ZNF740: variants seen among roughly 807,000 people sequenced by gnomAD.
ZNF740 encodes the protein zinc finger protein 740.
A neutral mutation model predicts 24.8 loss-of-function variants in ZNF740; 14 were observed. The observed-to-expected ratio is 0.56, with a 90% CI of 0.37 to 0.88. The LOEUF (loss-of-function observed/expected upper bound fraction) is 0.88, where lower values mean the gene tolerates loss of function less well. ZNF740 is among the 40% of genes least tolerant of loss of function. ZNF740 has a pLI of 0.00. For missense variants in ZNF740, 201 were observed against 247.9 expected (o/e 0.81, Z 1.27); for synonymous variants, 69 against 84.0 (o/e 0.82, Z 0.98).
Position 53,193,982 on chromosome 12 carries a change from A to G in ZNF740, c.*6392A>G. On this transcript the variant is annotated 3_prime_UTR_variant, in exon 7 of 7. Transcript: ENST00000416904. ...AAACTCACCAATCATCCAGAACCTC[A>G]CCCCTTAGTAAATGAAGGGATGGGG... 7.1e-7 allele frequency: 1 copy of G among 1,399,032 alleles called. No individual in the cohort carries two copies. Among genetic ancestry groups the G allele is most frequent in the East Asian group, 2.3e-5 (1 of 42,896 alleles). The allele number at this position is 1,399,032 out of a possible 1,614,324, so 86.7% of individuals were successfully genotyped here. A position where few individuals can be genotyped will look rare whatever the true frequency, so the allele number is the denominator to read the frequency against.
chr12:53,192,716 A>C lies in ZNF740; in HGVS notation c.*5126A>C, dbSNP rs1246254433. 2 of 1,614,162 alleles carry C rather than the reference A, an allele frequency of 1.2e-6. No individual in the cohort carries two copies. The highest frequency in any genetic ancestry group is 1.3e-5 in the African/African-American group (1 of 75,074). On this transcript the variant is annotated 3_prime_UTR_variant, in exon 7 of 7. Transcript: ENST00000416904. ...CGGTGTCTCTCGCATGGTGTCTTGC[A>C]GCCTGGGCATTGGTCGCATAGAGCA...
In ZNF740 at chr12:53,185,414, C is replaced by T. The variant is rs561124674; in HGVS notation, c.187C>T (p.Arg63Trp). 29 of 1,613,908 alleles carry T rather than the reference C, an allele frequency of 1.8e-5. No homozygotes were observed. The East Asian group carries it at 3.3e-4, about 19-fold the overall frequency. ...QGHRKDSDKS[R>W]SRKDDDSLSE... ...TCACCGAAAAGACAGTGATAAGTCC[C>T]GGAGCCGCAAAGATGATGACAGCTT... The change falls in exon 4 of 7, where the codon CGG (arginine) becomes TGG (tryptophan). Residue 63 changes from arginine to tryptophan, a missense_variant. Physicochemically the swap from Arg to Trp is moderately radical, Grantham distance 101. Transcript: ENST00000416904.
rs1335496280 is a variant in ZNF740, at chr12:53,184,915, C to T, written c.34C>T (p.Leu12=). The part of the protein sequence containing the change: ...AQASLLACEG[L]AGVSLVPTAA... ...GGCAAGTCTCCTGGCTTGTGAAGGC[C>T]TAGCAGGTGTGAGTTTGGTTCCCAC... Residue 12 remains leucine, a synonymous_variant, in exon 3 of 7, where the codon CTA becomes TTA. Transcript: ENST00000416904. The T allele has an allele frequency of 1.2e-6, 2 of 1,613,672 alleles. No individual in the cohort carries two copies. The highest frequency in any genetic ancestry group is 1.3e-5 in the African/African-American group (1 of 75,046).
chr12:53,184,156 C>T (rs1044052126), intron 2 of ZNF740, among the ~76,000 whole-genome samples: 1,078 of 106,040 alleles, frequency 0.01, 23 homozygotes, highest in African/African-American at 0.051. Flanking sequence ...TGTGTGCGCG[C>T]GCGCGCTCTG....
chr12:53,184,148 T>TGCGCGCGCGCGC (rs1191495650), intron 2 of ZNF740, among the ~76,000 whole-genome samples: 1 of 100,296 alleles, frequency 1.0e-5, no homozygotes, highest in African/African-American at 3.9e-5. Context: ...TGTGTGTGTG[T>TGCGCGCGCGCGC]GTGCGCGCGC....
chr12:53,184,808 A>T (rs956558155), intron 2 of ZNF740, 83 bp from the exon 3 acceptor site: 5 of 1,489,348 alleles, frequency 3.4e-6, no homozygotes, highest in Non-Finnish European at 4.6e-6. Context: ...AGCAGGGTGT[A>T]AAAGGTAGTT....
Position 53,191,488 on chromosome 12 carries a change from T to A in ZNF740, c.*3898T>A. On this transcript the variant is annotated 3_prime_UTR_variant, in exon 7 of 7. Transcript: ENST00000416904. ...CTACCAAGGTCTTACAGACCCACCC[T>A]TCCTCTCACCCTCCAGTTCCCACTG... 7.8e-7 allele frequency: 1 copy of A among 1,278,096 alleles called. No individual in the cohort carries two copies. Among genetic ancestry groups the A allele is most frequent in the Non-Finnish European group, 1.1e-6 (1 of 874,196 alleles). The allele number at this position is 1,278,096 out of a possible 1,614,324, so 79.2% of individuals were successfully genotyped here.
chr12:53,183,875 A>AG (rs1941757698), intron 2 of ZNF740, among the ~76,000 whole-genome samples: 3 of 151,990 alleles, frequency 2.0e-5, no homozygotes. Flanking sequence ...ACAAAAAAAA[A>AG]TAGCCGGGTG....
In ZNF740 at chr12:53,190,751, G is replaced by T. The variant is rs1422187374; in HGVS notation, c.*3161G>T. On this transcript the variant is annotated 3_prime_UTR_variant, in exon 7 of 7. Coordinates refer to ENST00000416904, the MANE Select transcript of ZNF740 (RefSeq NM_001004304.4). ...CAAATGGACAAGATCACTTTTAAAT[G>T]GTAGTTTTTATAAGATGTTATAAAC... 6.6e-6 allele frequency: 1 copy of T among 151,094 alleles called. No individual in the cohort carries two copies. Among genetic ancestry groups the T allele is most frequent in the East Asian group, 1.9e-4 (1 of 5,184 alleles). 9.4% of individuals were successfully genotyped at this position (151,094 alleles called of 1,614,324 possible).
intron 6 of ZNF740, chr12:53,186,710 A>G (rs1316468476): frequency 4.1e-6 from 2 of 491,212 alleles, no homozygotes; most frequent in African/African-American, 1.9e-5. Context: ...AATAATAATA[A>G]TAGCATTCCA....
In ZNF740 at chr12:53,192,778, TTGCAGCGTCCA is replaced by T. The variant is rs769222743; in HGVS notation, c.*5192_*5202del. The T allele has an allele frequency of 1.2e-6, 2 of 1,614,218 alleles. No homozygotes were observed. Among genetic ancestry groups the T allele is most frequent in the Non-Finnish European group, 1.7e-6 (2 of 1,180,036 alleles). On this transcript the variant is annotated 3_prime_UTR_variant, in exon 7 of 7. Transcript: ENST00000416904. ...GTCCAAGCACTGGCAGCGGTTGCAT[TTGCAGCGTCCA>T]TGCCCACTGCAGAGCCCTCCCTCGG...
rs769711213 is a variant in ZNF740 at position 53,192,732 on chromosome 12, G to A, written c.*5142G>A. ...GTGTCTTGCAGCCTGGGCATTGGTC[G>A]CATAGAGCACCATAGTAGCCGTCCA... On this transcript the variant is annotated 3_prime_UTR_variant, in exon 7 of 7. Coordinates refer to ENST00000416904, the MANE Select transcript of ZNF740 (RefSeq NM_001004304.4). 66 of 1,614,046 alleles carry A rather than the reference G, an allele frequency of 4.1e-5. No homozygotes were observed. In the Middle Eastern group the frequency reaches 4.9e-4, roughly 12 times the overall value.
In ZNF740 at chr12:53,185,994, T is replaced by G. The variant is rs577915117; in HGVS notation, c.290T>G (p.Ile97Ser). ...CAAAATGGTTCTTTTCAAGTAAAGA[T>G]TCCCAAAAATTTTGTTTGTGAACAC... is the stretch of plus-strand genomic sequence containing the variant. ...VEQNGSFQVK[I>S]PKNFVCEHCF... Residue 97 changes from isoleucine (I) to serine (S), a missense_variant, in exon 5 of 7, where the codon ATT becomes AGT. This residue lies in a region of ZNF740 where 117 missense variants were observed against 122.3 expected (regional missense o/e 0.96). Transcript: ENST00000416904. 4 of 1,613,846 alleles carry G rather than the reference T, an allele frequency of 2.5e-6. No individual in the cohort carries two copies. Among genetic ancestry groups the G allele is most frequent in the African/African-American group, 2.7e-5 (2 of 75,040 alleles).
Position 53,186,003 on chromosome 12 carries a change from A to C in ZNF740, c.299A>C (p.Asn100Thr). ...NGSFQVKIPK[N>T]FVCEHCFGAF... ...TCTTTTCAAGTAAAGATTCCCAAAAATTTTGTTTGTGAACACTGCTTTGGA... is the reference window on the plus strand; with the variant it reads ...TCTTTTCAAGTAAAGATTCCCAAAACTTTTGTTTGTGAACACTGCTTTGGA... The change falls in exon 5 of 7, where the codon AAT becomes ACT. Residue 100 changes from asparagine (N) to threonine (T), a missense_variant. Around this residue, in one of 3 missense-constraint regions of ZNF740, gnomAD observed 117 missense variants for 122.3 expected, o/e 0.96. Transcript: ENST00000416904. 1 of 1,613,842 alleles carries C rather than the reference A, an allele frequency of 6.2e-7. No homozygotes were observed. The highest frequency in any genetic ancestry group is 8.5e-7 in the Non-Finnish European group (1 of 1,179,816).
Position 53,191,605 on chromosome 12 carries a change from G to A in ZNF740, c.*4015G>A, listed in dbSNP as rs775805385. ...TTGAAAGCGAGGATTGATGGTGGTC[G>A]TGATGGCACTTTTGTAGAGAGGATT... On this transcript the variant is annotated 3_prime_UTR_variant, in exon 7 of 7. Coordinates refer to ENST00000416904, the MANE Select transcript of ZNF740 (RefSeq NM_001004304.4). 6.8e-6 allele frequency: 11 copies of A among 1,613,850 alleles called. No individual in the cohort carries two copies. Among genetic ancestry groups the A allele is most frequent in the Admixed American group, 1.7e-5 (1 of 60,022 alleles).
Position 53,190,803 on chromosome 12 carries a change from G to T in ZNF740, c.*3213G>T, listed in dbSNP as rs1229109951. 1.3e-5 allele frequency: 2 copies of T among 151,938 alleles called. No individual in the cohort carries two copies. Among genetic ancestry groups the T allele is most frequent in the Non-Finnish European group, 2.9e-5 (2 of 68,052 alleles). The allele number at this position is 151,938 out of a possible 1,614,324, so 9.4% of individuals were successfully genotyped here. Reference sequence around the variant, plus strand: ...TGTATCTTTTTACCATTAAAGTGCAGTGTATGTTCCTTCGTGATATATTTA... The same window carrying T: ...TGTATCTTTTTACCATTAAAGTGCATTGTATGTTCCTTCGTGATATATTTA... On this transcript the variant is annotated 3_prime_UTR_variant, in exon 7 of 7. Coordinates refer to ENST00000416904, the MANE Select transcript of ZNF740 (RefSeq NM_001004304.4).
Position 53,192,916 on chromosome 12 carries a change from G to T in ZNF740, c.*5326G>T, listed in dbSNP as rs1942014321. On this transcript the variant is annotated 3_prime_UTR_variant, in exon 7 of 7. Transcript: ENST00000416904. ...ACATTGGCAGCGACCAAAGCCTGGGGTAGAGCCATGCAGAGGGTGACAACC... is the reference window on the plus strand; with the variant it reads ...ACATTGGCAGCGACCAAAGCCTGGGTTAGAGCCATGCAGAGGGTGACAACC... 3.1e-6 allele frequency: 5 copies of T among 1,613,384 alleles called. No individual in the cohort carries two copies. The highest frequency in any genetic ancestry group is 4.2e-6 in the Non-Finnish European group (5 of 1,179,478).
rs2120413480 is a variant in ZNF740, at chr12:53,192,947, C to T, written c.*5357C>T. 6.3e-7 allele frequency: 1 copy of T among 1,590,432 alleles called. No individual in the cohort carries two copies. Among genetic ancestry groups the T allele is most frequent in the Non-Finnish European group, 8.6e-7 (1 of 1,160,228 alleles). ...CCATGCAGAGGGTGACAACCATACT[C>T]CACACACACAGTTGGCCATCATGTG... On this transcript the variant is annotated 3_prime_UTR_variant, in exon 7 of 7. Coordinates refer to ENST00000416904, the MANE Select transcript of ZNF740 (RefSeq NM_001004304.4).
chr12:53,191,851 C>T lies in ZNF740; in HGVS notation c.*4261C>T. 2 of 1,613,434 alleles carry T rather than the reference C, an allele frequency of 1.2e-6. No homozygotes were observed. The highest frequency in any genetic ancestry group is 1.7e-6 in the Non-Finnish European group (2 of 1,179,982). On this transcript the variant is annotated 3_prime_UTR_variant, in exon 7 of 7. Transcript: ENST00000416904. ...CTAAAAAGGGGCCTAACCAGGAAGT[C>T]TCCTCACCTGCTTCCAGTTGAGTTG...
Sources: allele counts gnomAD v4.1 joint callset (sites outside exome capture counted in the v4.1 genomes callset), GRCh38; gene constraint gnomAD v4.1.1; regional missense constraint gnomAD v4.1.1; transcripts MANE v1.5; gene names NCBI Gene and HGNC (gene_info 2026-07-23, HGNC 2026-07-21).